COL4A5: variants seen among roughly 807,000 people sequenced by gnomAD.
The protein encoded by COL4A5 is collagen alpha-5(IV) chain.
Under a neutral mutation model 130.2 loss-of-function variants are expected in COL4A5, and 26 were observed. That is an observed-to-expected ratio of 0.20 (90% CI 0.15 to 0.28). The LOEUF (loss-of-function observed/expected upper bound fraction) is 0.28. Ranked by LOEUF, COL4A5 falls within the 10% of genes least tolerant of loss-of-function variation. The pLI is 1.00. For synonymous variants in COL4A5, 496 were observed against 439.6 expected (o/e 1.13, Z -1.60); for missense variants, 1,131 against 1,344.3 (o/e 0.84, Z 2.48).
chrX:108,648,459 C>T (rs748471149), intron 36 of COL4A5, among the ~76,000 whole-genome samples: 24 of 110,658 alleles, frequency 2.2e-4, no homozygotes, highest in African/African-American at 6.9e-4. Flanking sequence ...AGACTGATAT[C>T]CTTGATTAAC....
chrX:108,502,474 G>C (rs1293074379), intron 1 of COL4A5, among the ~76,000 whole-genome samples: 1 of 109,577 alleles, frequency 9.1e-6, no homozygotes, highest in African/African-American at 3.3e-5. Context: ...TAGTAGAGAC[G>C]GGGTTTTTCC....
intron 1 of COL4A5, among the ~76,000 whole-genome samples, chrX:108,440,748 C>T (rs2064387068): frequency 8.9e-6 from 1 of 111,981 alleles, no homozygotes; most frequent in African/African-American, 3.2e-5. Context: ...AGCCACTGAC[C>T]TCCTTTTCCC....
intron 25 of COL4A5, among the ~76,000 whole-genome samples, chrX:108,599,962 C>A (rs765360905): frequency 8.9e-6 from 1 of 112,160 alleles, no homozygotes; most frequent in Non-Finnish European, 1.9e-5. Flanking sequence ...ACCAATTGTA[C>A]CAATTTTTAC....
At chrX:108,670,454 C>A in intron 42 of COL4A5, 1 of 262,355 alleles carries the variant, frequency 3.8e-6, no homozygotes, top group Non-Finnish European at 5.3e-6. Flanking sequence ...ACTAATTTAA[C>A]ATTTAAAAAT....
At chrX:108,526,778 C>CT (rs1255643156) in intron 1 of COL4A5, among the ~76,000 whole-genome samples, 9 of 89,521 alleles carry the variant, frequency 1.0e-4, no homozygotes, top group Non-Finnish European at 1.6e-4. Context: ...TTCCTTTCTT[C>CT]TTTTTTTTTG....
intron 36 of COL4A5, among the ~76,000 whole-genome samples, chrX:108,642,098 G>A (rs1402474808): frequency 9.0e-6 from 1 of 110,542 alleles, no homozygotes; most frequent in Admixed American, 9.6e-5. Context: ...AGTTGGGTGA[G>A]GCCTGTGACT....
At chrX:108,488,751 C>A (rs756995260) in intron 1 of COL4A5, among the ~76,000 whole-genome samples, 2 of 111,709 alleles carry the variant, frequency 1.8e-5, no homozygotes, top group African/African-American at 6.5e-5. Flanking sequence ...TGGAATGCTG[C>A]AGGATTGATA....
rs755775544 is a variant in COL4A5, at chrX:108,591,179, G to T, written c.1287G>T (p.Gly429=). 5 of 1,210,141 alleles carry T rather than the reference G, an allele frequency of 4.1e-6. No homozygotes were observed. The highest frequency in any genetic ancestry group is 5.6e-6 in the Non-Finnish European group (5 of 895,088). The change falls in exon 20 of 53, where the codon GGG becomes GGT. Residue 429 remains glycine (G), a synonymous_variant. Transcript: ENST00000328300. Reference sequence around the variant, plus strand: ...CTCCTGGACTTGACGGACAGCCTGGGGCTCCTGGGCTTCCAGGGCCTCCTG... The same window carrying T: ...CTCCTGGACTTGACGGACAGCCTGGTGCTCCTGGGCTTCCAGGGCCTCCTG... ...PGPPGLDGQP[G]APGLPGPPGP... is the part of the protein sequence containing the mutation.
chrX:108,623,149 A>G (rs912253804), intron 33 of COL4A5, among the ~76,000 whole-genome samples: 16 of 112,135 alleles, frequency 1.4e-4, no homozygotes, highest in African/African-American at 3.2e-5. Flanking sequence ...TTGAAAAACA[A>G]ATTTCAGTGT....
chrX:108,596,874 G>C (rs751086656), intron 22 of COL4A5, 124 bp from the exon 23 acceptor site: 1 of 633,316 alleles, frequency 1.6e-6, no homozygotes, highest in South Asian at 2.4e-5. Flanking sequence ...GGATTGAATG[G>C]GGTTCTTATT....
At chrX:108,632,075 C>G (rs185042985) in intron 36 of COL4A5, among the ~76,000 whole-genome samples, 2 of 110,448 alleles carry the variant, frequency 1.8e-5, no homozygotes. Flanking sequence ...ATTGATAGAC[C>G]GCTAGCAAGA....
intron 1 of COL4A5, among the ~76,000 whole-genome samples, chrX:108,530,651 A>G (rs1464944128): frequency 5.2e-5 from 5 of 95,627 alleles, no homozygotes; most frequent in Non-Finnish European, 1.0e-4. Flanking sequence ...CAAAACCACA[A>G]TGAGATACCA....
chrX:108,677,624 A>G lies in COL4A5; in HGVS notation c.3933A>G (p.Pro1311=). The change falls in exon 44 of 53, where the codon CCA becomes CCG. Residue 1311 remains proline, a synonymous_variant. Transcript: ENST00000328300. ...LPGLKGDQGP[P]GLQGNPGRPG... ...GTTTGAAAGGAGATCAAGGACCACCAGGACTCCAGGTAGGAAATGGAAGTA... is the reference window on the plus strand; with the variant it reads ...GTTTGAAAGGAGATCAAGGACCACCGGGACTCCAGGTAGGAAATGGAAGTA... The G allele has an allele frequency of 8.3e-7, 1 of 1,210,591 alleles. No individual in the cohort carries two copies. Among genetic ancestry groups the G allele is most frequent in the South Asian group, 1.8e-5 (1 of 56,950 alleles).
At chrX:108,576,138 A>G (rs1332531381) in intron 10 of COL4A5, among the ~76,000 whole-genome samples, 166 bp downstream of exon 10, 2 of 105,750 alleles carry the variant, frequency 1.9e-5, no homozygotes, top group Non-Finnish European at 4.1e-5. Context: ...AATAATATGC[A>G]TTCTAAGTAA....
intron 1 of COL4A5, among the ~76,000 whole-genome samples, chrX:108,490,685 A>G (rs1467339514): frequency 4.5e-5 from 5 of 110,956 alleles, no homozygotes; most frequent in African/African-American, 1.6e-4. Flanking sequence ...GGTACATGTG[A>G]AGGTTTGTTA....
intron 1 of COL4A5, among the ~76,000 whole-genome samples, chrX:108,537,827 GACAATATGC>G (rs1282244353): frequency 1.8e-5 from 2 of 112,032 alleles, no homozygotes; most frequent in African/African-American, 6.5e-5. Context: ...CATGAGTGTT[GACAATATGC>G]ACAATTTAAT....
intron 16 of COL4A5, among the ~76,000 whole-genome samples, chrX:108,581,873 T>C (rs779085505): frequency 9.1e-6 from 1 of 110,079 alleles, no homozygotes; most frequent in African/African-American, 3.3e-5. Context: ...TCCCATACAG[T>C]TTTTTTGTGT....
intron 6 of COL4A5, chrX:108,569,027 T>G: frequency 7.4e-6 from 3 of 407,806 alleles, no homozygotes; most frequent in Non-Finnish European, 1.3e-5. Context: ...GGATATTGCA[T>G]TGGGTTAAAG....
intron 36 of COL4A5, chrX:108,627,284 ATCT>A: frequency 1.6e-6 from 1 of 634,157 alleles, no homozygotes; most frequent in Non-Finnish European, 1.9e-6. Flanking sequence ...AAGAGTGAAA[ATCT>A]TCTTCATGCC....
Sources: gnomAD v4.1 joint callset for allele counts (sites outside exome capture counted in the v4.1 genomes callset) on GRCh38, gnomAD v4.1.1 for gene constraint, MANE v1.5 for transcripts, NCBI Gene and HGNC (gene_info 2026-07-23, HGNC 2026-07-21) for gene names.